The following PLEKHH2 variants were observed in gnomAD, a reference collection of about 807,000 sequenced individuals.
PLEKHH2 encodes the protein pleckstrin homology domain-containing family H member 2.
In PLEKHH2, 129 loss-of-function variants were observed where a neutral mutation model predicts 187.9. The ratio of observed to expected loss-of-function variants is 0.69; its 90% confidence interval spans 0.59 to 0.79. PLEKHH2 has a LOEUF of 0.79. Ranked by LOEUF, PLEKHH2 falls within the 30% of genes least tolerant of loss-of-function variation. The probability of loss-of-function intolerance (pLI) is 0.00; values close to 1 mark genes in which losing one functional copy is unlikely to be tolerated. For missense variants in PLEKHH2, 2,076 were observed against 1,751.2 expected (o/e 1.19, Z -3.31); for synonymous variants, 686 against 605.6 (o/e 1.13, Z -1.95).
intron 7 of PLEKHH2, among the ~76,000 whole-genome samples, chr2:43,697,764 A>T (rs1018744040): frequency 3.9e-5 from 6 of 152,166 alleles, no homozygotes; most frequent in African/African-American, 1.4e-4. Context: ...AAAATATAAA[A>T]CATTACTTAA....
rs1012067842 is a variant in PLEKHH2, at chr2:43,640,843, G to A, written c.-4+3464G>A. On this transcript the variant is annotated intron_variant, in intron 1 of 29. Coordinates refer to ENST00000282406, the MANE Select transcript of PLEKHH2 (RefSeq NM_172069.4). Reference sequence around the variant, plus strand: ...TCTGTCGCCCAGGCTGGAGTGCAGTGGTGTGAACATGGTTCACTGCAGCTT... The same window carrying A: ...TCTGTCGCCCAGGCTGGAGTGCAGTAGTGTGAACATGGTTCACTGCAGCTT... Among the ~76,000 whole-genome samples, 27 of 151,660 alleles carry A rather than the reference G, an allele frequency of 1.8e-4. 1 individual carries two copies. The highest frequency in any genetic ancestry group is 1.7e-3 in the Admixed American group (26 of 15,228).
In PLEKHH2 at chr2:43,767,221, G is replaced by C. The variant is rs1212839623; in HGVS notation, c.*1623G>C. 6.6e-6 allele frequency: 1 copy of C among 152,020 alleles called. No homozygotes were observed. Among genetic ancestry groups the C allele is most frequent in the Non-Finnish European group, 1.5e-5 (1 of 67,984 alleles). 9.4% of individuals were successfully genotyped at this position (152,020 alleles called of 1,614,324 possible). On this transcript the variant is annotated 3_prime_UTR_variant, in exon 30 of 30. Transcript: ENST00000282406. Reference sequence around the variant, plus strand: ...TTTTTAACCAATTTGAGAAATGTTAGCTGCTGAATTAATTTGTTGCCCGAG... The same window carrying C: ...TTTTTAACCAATTTGAGAAATGTTACCTGCTGAATTAATTTGTTGCCCGAG...
At chr2:43,651,426 A>G (rs568324471) in intron 2 of PLEKHH2, among the ~76,000 whole-genome samples, 3 of 152,292 alleles carry the variant, frequency 2.0e-5, no homozygotes, top group East Asian at 3.9e-4. Flanking sequence ...TCTTTCTGTG[A>G]TAAGTTCCCT....
At chr2:43,647,672 C>T (rs191188400) in intron 2 of PLEKHH2, among the ~76,000 whole-genome samples, 1 of 152,316 alleles carries the variant, frequency 6.6e-6, no homozygotes, top group East Asian at 1.9e-4. Flanking sequence ...ATTCCAGAGA[C>T]TGGTCTGGTC....
At chr2:43,743,802 A>C (rs1375238941) in intron 22 of PLEKHH2, 32 bp from the exon 23 acceptor site, 3 of 1,576,210 alleles carry the variant, frequency 1.9e-6, no homozygotes, top group Non-Finnish European at 2.6e-6. Flanking sequence ...TATATTTCTT[A>C]TTAAGAGAAC....
At chr2:43,738,272 C>A in intron 19 of PLEKHH2, 69 bp from the exon 20 acceptor site, 1 of 1,260,756 alleles carries the variant, frequency 7.9e-7, no homozygotes. Flanking sequence ...AAAAGATATT[C>A]GATATAATTC....
In PLEKHH2 at chr2:43,692,545, C is replaced by T. The variant is rs745923234; in HGVS notation, c.218C>T (p.Ala73Val). The T allele has an allele frequency of 1.9e-6, 3 of 1,584,618 alleles. No individual in the cohort carries two copies. The highest frequency in any genetic ancestry group is 2.6e-6 in the Non-Finnish European group (3 of 1,156,972). The change falls in exon 4 of 30, where the codon GCT becomes GTT. Residue 73 changes from alanine (A) to valine (V), a missense_variant. Coordinates refer to ENST00000282406, the MANE Select transcript of PLEKHH2 (RefSeq NM_172069.4). ...GTTATGGAAGATAAATTAAAAGCAG[C>T]TAATATTCAAACCAGTGAATCAGAG... ...VQVMEDKLKA[A>V]NIQTSESETR...
At chr2:43,659,487 C>T (rs1666959656) in intron 2 of PLEKHH2, among the ~76,000 whole-genome samples, 1 of 151,760 alleles carries the variant, frequency 6.6e-6, no homozygotes, top group Admixed American at 6.6e-5. Context: ...TTTTACCAGA[C>T]TAAATTGGTC....
intron 2 of PLEKHH2, 86 bp downstream of exon 2, chr2:43,644,882 G>A (rs1666114208): frequency 1.5e-6 from 2 of 1,345,282 alleles, no homozygotes; most frequent in Non-Finnish European, 2.0e-6. Context: ...GTACTTTGGG[G>A]GTTTGATTTA....
At chr2:43,757,980 T>C (rs1446848349) in intron 26 of PLEKHH2, among the ~76,000 whole-genome samples, 2 of 152,182 alleles carry the variant, frequency 1.3e-5, no homozygotes, top group African/African-American at 4.8e-5. Flanking sequence ...GACTTTTTAA[T>C]ATAAAAGTTT....
At chr2:43,717,609 G>T (rs1021044457) in intron 15 of PLEKHH2, among the ~76,000 whole-genome samples, 8 of 152,152 alleles carry the variant, frequency 5.3e-5, no homozygotes, top group Non-Finnish European at 8.8e-5. Context: ...CAAAAGTGGA[G>T]GGACAGCAAA....
chr2:43,720,624 C>T, intron 15 of PLEKHH2, 45 bp from the exon 16 acceptor site: 1 of 1,598,440 alleles, frequency 6.3e-7, no homozygotes, highest in Non-Finnish European at 8.5e-7. Context: ...TTTAAGGTGT[C>T]AGAGTTCTGG....
intron 1 of PLEKHH2, among the ~76,000 whole-genome samples, chr2:43,638,331 A>T (rs1361591772): frequency 1.3e-5 from 2 of 152,198 alleles, no homozygotes; most frequent in Non-Finnish European, 2.9e-5. Flanking sequence ...GTCCCTTAAG[A>T]GGCAAAAACT....
intron 18 of PLEKHH2, among the ~76,000 whole-genome samples, chr2:43,730,466 T>G (rs570868489): frequency 6.6e-6 from 1 of 152,308 alleles, no homozygotes; most frequent in South Asian, 2.1e-4. Flanking sequence ...TGGCATGATC[T>G]CCGCTCACTG....
intron 4 of PLEKHH2, among the ~76,000 whole-genome samples, chr2:43,693,093 A>C (rs1464981044): frequency 2.8e-5 from 3 of 106,962 alleles, no homozygotes; most frequent in Admixed American, 2.5e-4. Context: ...ACACCCAGCT[A>C]ATTTTTGTAT....
chr2:43,758,803 T>TGGCTCA, intron 26 of PLEKHH2, 97 bp from the exon 27 acceptor site: 3 of 1,076,266 alleles, frequency 2.8e-6, no homozygotes, highest in Non-Finnish European at 3.8e-6. Flanking sequence ...CAGTTATGCT[T>TGGCTCA]AGGATTGGCT....
chr2:43,712,467 T>C (rs1272735154), intron 15 of PLEKHH2, 84 bp downstream of exon 15: 5 of 1,446,438 alleles, frequency 3.5e-6, no homozygotes, highest in Non-Finnish European at 4.7e-6. Flanking sequence ...TCAGAGCATA[T>C]ACATATATTG....
At chr2:43,751,474 T>A (rs530877073) in intron 24 of PLEKHH2, among the ~76,000 whole-genome samples, 1 of 152,090 alleles carries the variant, frequency 6.6e-6, no homozygotes, top group Admixed American at 6.5e-5. Flanking sequence ...ATGGATCCAG[T>A]TGAGGGCAAG....
Position 43,740,958 on chromosome 2 carries a change from T to C in PLEKHH2, c.3136T>C (p.Leu1046=). 1 of 1,613,982 alleles carries C rather than the reference T, an allele frequency of 6.2e-7. No individual in the cohort carries two copies. The highest frequency in any genetic ancestry group is 8.5e-7 in the Non-Finnish European group (1 of 1,179,914). The part of the protein sequence containing the change: ...QPGPLQGWQL[L]ALCVGLFLPH... ...TCTCCCTGCCCAGGGCTGGCAGCTC[T>C]TGGCACTCTGCGTTGGGCTCTTCCT... Residue 1046 remains leucine, a synonymous_variant, in exon 21 of 30, where the codon TTG becomes CTG. Coordinates refer to ENST00000282406, the MANE Select transcript of PLEKHH2 (RefSeq NM_172069.4).
Sources: allele counts gnomAD v4.1 joint callset (sites outside exome capture counted in the v4.1 genomes callset), GRCh38; gene constraint gnomAD v4.1.1; transcripts MANE v1.5; gene names NCBI Gene and HGNC (gene_info 2026-07-23, HGNC 2026-07-21).